JADE2: variants seen among roughly 807,000 people sequenced by gnomAD.
JADE2 encodes E3 ubiquitin-protein ligase Jade-2.
A neutral mutation model predicts 85.7 loss-of-function variants in JADE2; 13 were observed. The observed-to-expected ratio is 0.15, with a 90% CI of 0.10 to 0.24. JADE2 has a LOEUF of 0.24. JADE2 is among the 10% of genes least tolerant of loss of function. The pLI is 1.00. For synonymous variants in JADE2, 440 were observed against 456.1 expected (o/e 0.96, Z 0.45); for missense variants, 846 against 1,115.9 (o/e 0.76, Z 3.45).
intron 2 of JADE2, among the ~76,000 whole-genome samples, chr5:134,536,321 C>T (rs1761584473): frequency 6.6e-6 from 1 of 152,192 alleles, no homozygotes; most frequent in Non-Finnish European, 1.5e-5. Flanking sequence ...GTGGTAAGCT[C>T]CTTGATAAGA....
intron 1 of JADE2, among the ~76,000 whole-genome samples, chr5:134,529,696 A>G (rs1212182163): frequency 6.6e-6 from 1 of 152,220 alleles, no homozygotes; most frequent in Non-Finnish European, 1.5e-5. Context: ...TCTCACCTTT[A>G]GGCTAGGCCA....
chr5:134,558,290 C>G lies in JADE2; in HGVS notation c.312-1540C>G, dbSNP rs564288834. ...TAGATTCTGGATATTAGCCCTTTGTCAGATGAGTAGGTTGCGAAAATTTTC... is the reference window on the plus strand; with the variant it reads ...TAGATTCTGGATATTAGCCCTTTGTGAGATGAGTAGGTTGCGAAAATTTTC... On this transcript the variant is annotated intron_variant, in intron 4 of 11. Coordinates refer to ENST00000681547, the MANE Select transcript of JADE2 (RefSeq NM_001388185.1). Among the ~76,000 whole-genome samples, 7 of 134,180 alleles carry G rather than the reference C, an allele frequency of 5.2e-5. No individual in the cohort carries two copies. In the East Asian group the frequency reaches 1.5e-3, roughly 28 times the overall value. The allele number at this position is 134,180 out of a possible 152,430, so 88.0% of individuals were successfully genotyped here.
chr5:134,558,670 C>T (rs908331671), intron 4 of JADE2, among the ~76,000 whole-genome samples: 1 of 152,232 alleles, frequency 6.6e-6, no homozygotes. Flanking sequence ...TCCTAAGTAG[C>T]TGGGATTACA....
Position 134,539,936 on chromosome 5 carries a change from A to T in JADE2, c.153+1853A>T, listed in dbSNP as rs548048709. 2.0e-5 allele frequency among the ~76,000 whole-genome samples: 3 copies of T among 152,234 alleles called. No individual in the cohort carries two copies. In the South Asian group the frequency reaches 6.2e-4, roughly 32 times the overall value. On this transcript the variant is annotated intron_variant, in intron 3 of 11. Coordinates refer to ENST00000681547, the MANE Select transcript of JADE2 (RefSeq NM_001388185.1). ...TGGGGCTGGGATTCTTTGAGACCTG[A>T]TGCCCCATCCCCCAAGCCTGACTTC...
chr5:134,581,751 C>A lies in JADE2; in HGVS notation c.*2434C>A. On this transcript the variant is annotated 3_prime_UTR_variant, in exon 12 of 12. Coordinates refer to ENST00000681547, the MANE Select transcript of JADE2 (RefSeq NM_001388185.1). The stretch of plus-strand genomic sequence containing the variant: ...AGATGTCTGTTAGGCTGGCTGGCTG[C>A]TGCGAGGGGAGGGGGGTGGCCTTTC... 6.5e-6 allele frequency: 1 copy of A among 153,834 alleles called. No individual in the cohort carries two copies. 9.5% of individuals were successfully genotyped at this position (153,834 alleles called of 1,614,324 possible). A position where few individuals can be genotyped will look rare whatever the true frequency, so the allele number is the denominator to read the frequency against.
intron 7 of JADE2, among the ~76,000 whole-genome samples, chr5:134,563,621 T>C (rs541190410): frequency 6.6e-6 from 1 of 152,364 alleles, no homozygotes; most frequent in East Asian, 1.9e-4. Flanking sequence ...GCAAGCCAGG[T>C]GGCCCTGTCC....
intron 10 of JADE2, chr5:134,575,609 A>G (rs1452493786): frequency 6.6e-6 from 1 of 152,100 alleles, no homozygotes; most frequent in African/African-American, 2.4e-5. Flanking sequence ...GTTACATGCC[A>G]TGTTACAGAT....
At position 134,538,103 on chromosome 5, in the gene JADE2, C is replaced by T; in HGVS notation, c.153+20C>T. 6.3e-7 allele frequency: 1 copy of T among 1,585,598 alleles called. No individual in the cohort carries two copies. The highest frequency in any genetic ancestry group is 8.7e-7 in the Non-Finnish European group (1 of 1,154,238). On this transcript the variant is annotated intron_variant, in intron 3 of 11. Coordinates refer to ENST00000681547, the MANE Select transcript of JADE2 (RefSeq NM_001388185.1). ...TCCGAGGTGGGTAGTGATGAGCTTCCCAGAGATCTGTGGGGAGTGAGAGTG... is the reference window on the plus strand; with the variant it reads ...TCCGAGGTGGGTAGTGATGAGCTTCTCAGAGATCTGTGGGGAGTGAGAGTG...
At chr5:134,537,909 A>C in intron 2 of JADE2, 80 bp from the exon 3 acceptor site, 1 of 1,031,928 alleles carries the variant, frequency 9.7e-7, no homozygotes, top group Non-Finnish European at 1.5e-6. Flanking sequence ...GGCTTTGCTT[A>C]GAAGCTTCCT....
At chr5:134,526,108 C>T (rs1329160699) in intron 1 of JADE2, 97 bp downstream of exon 1, 1 of 984,814 alleles carries the variant, frequency 1.0e-6, no homozygotes, top group African/African-American at 1.7e-5. Context: ...CTCCCTCGCT[C>T]TCTCTTGCTC....
chr5:134,526,597 C>T, intron 1 of JADE2: 1 of 985,426 alleles, frequency 1.0e-6, no homozygotes, highest in South Asian at 4.7e-5. Flanking sequence ...CCGGTCCGGT[C>T]CCAGACACCT....
intron 9 of JADE2, among the ~76,000 whole-genome samples, chr5:134,571,468 G>C (rs1420720705): frequency 6.6e-6 from 1 of 152,206 alleles, no homozygotes. Context: ...GGAGGCCAAG[G>C]TGGGCGGATC....
chr5:134,549,290 G>A (rs1321391161), intron 3 of JADE2, among the ~76,000 whole-genome samples: 2 of 152,222 alleles, frequency 1.3e-5, no homozygotes, highest in African/African-American at 4.8e-5. Context: ...TTAGAAGGCT[G>A]AGGCAGGCAG....
chr5:134,528,462 G>C (rs1388848879), intron 1 of JADE2, among the ~76,000 whole-genome samples: 1 of 152,180 alleles, frequency 6.6e-6, no homozygotes, highest in Non-Finnish European at 1.5e-5. Context: ...AACTATAAGG[G>C]GGAAGGAATG....
At chr5:134,560,018 A>T in intron 5 of JADE2, 28 bp downstream of exon 5, 1 of 1,612,986 alleles carries the variant, frequency 6.2e-7, no homozygotes, top group African/African-American at 1.3e-5. Context: ...TAAGAATGGG[A>T]TCACGGCTGG....
intron 4 of JADE2, among the ~76,000 whole-genome samples, chr5:134,557,268 A>ATTTT (rs59125974): frequency 1.5e-5 from 2 of 137,898 alleles, no homozygotes; most frequent in African/African-American, 2.7e-5. Context: ...TTATTTTTTT[A>ATTTT]TTTTTTTTTT....
upstream of JADE2, among the ~76,000 whole-genome samples, chr5:134,525,480 G>C (rs1304218721): frequency 6.6e-6 from 1 of 151,828 alleles, no homozygotes; most frequent in African/African-American, 2.4e-5. Flanking sequence ...ACTCCCCGCC[G>C]GAGCCAAACA....
chr5:134,556,032 G>C (rs1396235391), intron 4 of JADE2, among the ~76,000 whole-genome samples: 1 of 152,094 alleles, frequency 6.6e-6, no homozygotes, highest in African/African-American at 2.4e-5. Context: ...CATCCTTCCT[G>C]CCCTTTTTGC....
At position 134,566,009 on chromosome 5, in the gene JADE2, T is replaced by C. The variant is rs1472490931; in HGVS notation, c.970-107T>C. The C allele has an allele frequency of 1.0e-5, 10 of 955,350 alleles. No individual in the cohort carries two copies. The highest frequency in any genetic ancestry group is 2.5e-5 in the East Asian group (1 of 40,664). 59.2% of individuals were successfully genotyped at this position (955,350 alleles called of 1,614,324 possible). A position where few individuals can be genotyped will look rare whatever the true frequency, so the allele number is the denominator to read the frequency against. ...AGCCCATGCCATTCTGTTTAGGTTC[T>C]CTCCAGCATTGCGCATTCTCAGTAG... On this transcript the variant is annotated intron_variant, in intron 8 of 11. Coordinates refer to ENST00000681547, the MANE Select transcript of JADE2 (RefSeq NM_001388185.1). The surrounding 1 kb of genome is among the most constrained non-coding windows in gnomAD (Gnocchi z 6.7).
Sources: allele counts gnomAD v4.1 joint callset (sites outside exome capture counted in the v4.1 genomes callset), GRCh38; gene constraint gnomAD v4.1.1; non-coding constraint Gnocchi (gnomAD v3.1); transcripts MANE v1.5; gene names NCBI Gene and HGNC (gene_info 2026-07-23, HGNC 2026-07-21).